Variants in DOCK2 observed in about 807,000 individuals in gnomAD.
DOCK2 encodes the protein dedicator of cytokinesis protein 2.
In DOCK2, 87 loss-of-function variants were observed where a neutral mutation model predicts 248.9. The observed-to-expected ratio is 0.35, with a 90% CI of 0.29 to 0.42. The LOEUF is 0.42. DOCK2 is among the 10% of genes least tolerant of loss of function. The pLI is 1.00. For missense variants in DOCK2, 1,747 were observed against 2,300.2 expected, an observed-to-expected ratio of 0.76 and a Z score of 4.92; for synonymous variants, 805 against 821.6, an observed-to-expected ratio of 0.98 and a Z score of 0.35.
At chr5:169,970,886 G>C (rs1170891592) in intron 27 of DOCK2, among the ~76,000 whole-genome samples, 1 of 152,110 alleles carries the variant, frequency 6.6e-6, no homozygotes, top group African/African-American at 2.4e-5. Flanking sequence ...CTTTAATTGA[G>C]TGTGGATCCG....
In DOCK2 at chr5:170,072,024, T is replaced by C. The variant is rs116056742; in HGVS notation, c.4728+2804T>C. 2.3e-3 allele frequency among the ~76,000 whole-genome samples: 343 copies of C among 152,372 alleles called. 1 individual carries two copies. Among genetic ancestry groups the C allele is most frequent in the Non-Finnish European group, 2.9e-3 (194 of 68,040 alleles). On this transcript the variant is annotated intron_variant, in intron 46 of 51. Transcript: ENST00000520908. The stretch of plus-strand genomic sequence containing the variant: ...TATACCAAAATGCATTTATTTATTT[T>C]TATACTAATAGAGAATTGGGTTTAT...
chr5:169,993,944 A>T (rs1348805446), intron 29 of DOCK2, among the ~76,000 whole-genome samples: 4 of 152,010 alleles, frequency 2.6e-5, no homozygotes, highest in African/African-American at 9.7e-5. Context: ...TGTTCTGTAA[A>T]GTCCAGGTGT....
chr5:169,654,353 CTAA>C, intron 1 of DOCK2, 47 bp from the exon 2 acceptor site: 1 of 1,595,362 alleles, frequency 6.3e-7, no homozygotes, highest in African/African-American at 1.3e-5. Flanking sequence ...GGAGCAGAGA[CTAA>C]TGAGATCTAG....
At chr5:169,678,043 G>A (rs1759435177) in intron 6 of DOCK2, among the ~76,000 whole-genome samples, 1 of 152,130 alleles carries the variant, frequency 6.6e-6, no homozygotes, top group Non-Finnish European at 1.5e-5. Context: ...CTTTAAGTGG[G>A]GGAGAATTCT....
chr5:169,693,504 G>A (rs976636838), intron 9 of DOCK2, among the ~76,000 whole-genome samples: 4 of 152,164 alleles, frequency 2.6e-5, no homozygotes, highest in Admixed American at 6.5e-5. Flanking sequence ...TAATAGATGC[G>A]ATGTCTAAAG....
intron 7 of DOCK2, among the ~76,000 whole-genome samples, chr5:169,682,797 T>C (rs565112809): frequency 1.3e-5 from 2 of 152,320 alleles, no homozygotes; most frequent in African/African-American, 4.8e-5. Flanking sequence ...AAAGTTTCTT[T>C]GTGCTCCTTC....
chr5:169,858,092 A>G (rs1385430910), intron 27 of DOCK2, among the ~76,000 whole-genome samples: 1 of 152,222 alleles, frequency 6.6e-6, no homozygotes, highest in African/African-American at 2.4e-5. Flanking sequence ...ATGCCCAGTG[A>G]ATCTAATGTA....
intron 46 of DOCK2, chr5:170,075,397 G>A (rs571254100): frequency 1.3e-5 from 2 of 152,600 alleles, no homozygotes; most frequent in Admixed American, 6.5e-5. Context: ...GCTCCCTACT[G>A]GGGGGTTAAC....
chr5:169,883,842 T>TTAA, intron 27 of DOCK2: 1 of 1,543,168 alleles, frequency 6.5e-7, no homozygotes, highest in Non-Finnish European at 8.7e-7. Context: ...ACTCCACTGA[T>TTAA]TCTAGACTGT....
intron 29 of DOCK2, among the ~76,000 whole-genome samples, chr5:169,988,331 T>C (rs565714066): frequency 5.6e-4 from 85 of 152,148 alleles, no homozygotes; most frequent in Non-Finnish European, 1.0e-3. Flanking sequence ...AATTAGTTCA[T>C]TTAATCCTCC....
At chr5:170,052,734 T>G (rs1756963080) in intron 41 of DOCK2, among the ~76,000 whole-genome samples, 1 of 152,218 alleles carries the variant, frequency 6.6e-6, no homozygotes, top group South Asian at 2.1e-4. Flanking sequence ...TTCTCTTTAT[T>G]AACTGTTTAC....
chr5:169,837,994 G>GA (rs33937613), intron 26 of DOCK2, among the ~76,000 whole-genome samples: 8 of 151,552 alleles, frequency 5.3e-5, no homozygotes, highest in Non-Finnish European at 1.0e-4. Flanking sequence ...TGTAATCCTG[G>GA]AAAAAAAATA....
intron 14 of DOCK2, among the ~76,000 whole-genome samples, chr5:169,706,226 G>A (rs1243739621): frequency 6.6e-6 from 1 of 152,234 alleles, no homozygotes; most frequent in African/African-American, 2.4e-5. Context: ...CCATGCGGCA[G>A]TTTTACTTTC....
intron 27 of DOCK2, chr5:169,882,473 G>A (rs1772711175): frequency 8.0e-7 from 1 of 1,255,834 alleles, no homozygotes; most frequent in Non-Finnish European, 1.1e-6. Flanking sequence ...TTTACTAAAA[G>A]AAACCAAAGC....
intron 6 of DOCK2, among the ~76,000 whole-genome samples, chr5:169,679,797 C>T (rs369594602): frequency 6.6e-6 from 1 of 152,180 alleles, no homozygotes; most frequent in Non-Finnish European, 1.5e-5. Flanking sequence ...AACCTTGGCT[C>T]GCTTCTGACT....
rs1221721633 is a variant in DOCK2, at chr5:169,951,009, C to T, written c.2800-32059C>T. On this transcript the variant is annotated intron_variant, in intron 27 of 51. Coordinates refer to ENST00000520908, the MANE Select transcript of DOCK2 (RefSeq NM_004946.3). ...ATGTAAACATTTAGATTTCCAGCTG[C>T]TCCGAAGTCAGATTAGCCAGCGTCA... 2.0e-5 allele frequency among the ~76,000 whole-genome samples: 3 copies of T among 152,192 alleles called. No individual in the cohort carries two copies. In the East Asian group the frequency reaches 5.8e-4, roughly 29 times the overall value.
At chr5:169,930,895 A>G (rs750218726) in intron 27 of DOCK2, among the ~76,000 whole-genome samples, 1 of 152,194 alleles carries the variant, frequency 6.6e-6, no homozygotes, top group South Asian at 2.1e-4. Context: ...ACACATAAAT[A>G]CAATAAAGGA....
At chr5:169,704,967 GC>G (rs1339824615) in intron 14 of DOCK2, among the ~76,000 whole-genome samples, 1 of 152,184 alleles carries the variant, frequency 6.6e-6, no homozygotes, top group Non-Finnish European at 1.5e-5. Context: ...TTTGAGACCA[GC>G]CTGGCCAAGA....
chr5:169,717,496 T>C lies in DOCK2; in HGVS notation c.2132+12T>C. The C allele has an allele frequency of 6.2e-7, 1 of 1,612,604 alleles. No homozygotes were observed. Among genetic ancestry groups the C allele is most frequent in the Non-Finnish European group, 8.5e-7 (1 of 1,178,664 alleles). On this transcript the variant is annotated intron_variant, in intron 21 of 51. Coordinates refer to ENST00000520908, the MANE Select transcript of DOCK2 (RefSeq NM_004946.3). The stretch of plus-strand genomic sequence containing the variant: ...ACCTTGGCTTACAAGTAAGTAATTG[T>C]GCACATGGGAACTTCTTCTCTACCA...
Sources: gnomAD v4.1 joint callset for allele counts (sites outside exome capture counted in the v4.1 genomes callset) on GRCh38, gnomAD v4.1.1 for gene constraint, MANE v1.5 for transcripts, NCBI Gene and HGNC (gene_info 2026-07-23, HGNC 2026-07-21) for gene names.